Variants in FAM135B observed in about 807,000 individuals in gnomAD.
FAM135B encodes the protein family with sequence similarity 135 member B.
In FAM135B, 43 loss-of-function variants were observed where a neutral mutation model predicts 127.7. The ratio of observed to expected loss-of-function variants is 0.34; its 90% confidence interval spans 0.26 to 0.43. The LOEUF is 0.43. Among genes scored for constraint, FAM135B ranks in the 20% least tolerant of loss-of-function variants. The pLI is 1.00. For missense variants in FAM135B, 1,558 were observed against 1,725.6 expected (o/e 0.90, Z 1.72); for synonymous variants, 670 against 665.1 (o/e 1.01, Z -0.11).
At chr8:138,397,177 C>T (rs1350778844) in intron 1 of FAM135B, among the ~76,000 whole-genome samples, 2 of 152,122 alleles carry the variant, frequency 1.3e-5, no homozygotes, top group African/African-American at 4.8e-5. Flanking sequence ...GGCTGGGCTC[C>T]GTGACAGACG....
intron 1 of FAM135B, among the ~76,000 whole-genome samples, chr8:138,479,331 T>C (rs1265128329): frequency 6.6e-6 from 1 of 152,186 alleles, no homozygotes; most frequent in African/African-American, 2.4e-5. Context: ...CACCCCATCC[T>C]GGAGGTTGGG....
chr8:138,173,998 G>A (rs1355608952), intron 11 of FAM135B, among the ~76,000 whole-genome samples: 2 of 152,086 alleles, frequency 1.3e-5, no homozygotes, highest in Admixed American at 6.5e-5. Context: ...GGCGAAAGAT[G>A]GTCTTCATTT....
chr8:138,459,584 A>C (rs1441835239), intron 1 of FAM135B: 1 of 152,218 alleles, frequency 6.6e-6, no homozygotes, highest in Non-Finnish European at 1.5e-5. Context: ...TGGCGGGATG[A>C]TGATGATGAA....
At chr8:138,370,232 G>C (rs1200246645) in intron 1 of FAM135B, among the ~76,000 whole-genome samples, 1 of 152,142 alleles carries the variant, frequency 6.6e-6, no homozygotes, top group Non-Finnish European at 1.5e-5. Flanking sequence ...AACGCATGGA[G>C]AATACCACAC....
chr8:138,433,513 GA>G (rs1283792101), intron 1 of FAM135B, among the ~76,000 whole-genome samples: 2 of 144,644 alleles, frequency 1.4e-5, no homozygotes, highest in Admixed American at 7.2e-5. Context: ...GACAGAGCAA[GA>G]TTCTGTCTCA....
At chr8:138,194,045 G>A (rs1345352664) in intron 9 of FAM135B, among the ~76,000 whole-genome samples, 3 of 152,182 alleles carry the variant, frequency 2.0e-5, no homozygotes, top group Admixed American at 1.3e-4. Context: ...CGTCAATGCT[G>A]CAGCAGAGTC....
intron 7 of FAM135B, among the ~76,000 whole-genome samples, chr8:138,198,504 AG>A (rs1354073034): frequency 6.6e-6 from 1 of 152,214 alleles, no homozygotes; most frequent in Non-Finnish European, 1.5e-5. Flanking sequence ...GTGGGTGAGC[AG>A]TAGGTCGTGC....
chr8:138,331,100 C>G (rs1828144817), intron 2 of FAM135B, among the ~76,000 whole-genome samples: 2 of 152,096 alleles, frequency 1.3e-5, no homozygotes, highest in Admixed American at 6.5e-5. Context: ...CCTTGGCCTC[C>G]CAAAAATGCA....
At chr8:138,236,770 C>A (rs1471391897) in intron 7 of FAM135B, among the ~76,000 whole-genome samples, 4 of 152,190 alleles carry the variant, frequency 2.6e-5, no homozygotes, top group Non-Finnish European at 5.9e-5. Context: ...ATGCTTTTCA[C>A]ACTATGGTGA....
At chr8:138,174,051 C>A (rs1814188493) in intron 11 of FAM135B, among the ~76,000 whole-genome samples, 1 of 152,204 alleles carries the variant, frequency 6.6e-6, no homozygotes, top group Admixed American at 6.5e-5. Context: ...GAAACACACA[C>A]ACTGAAGCAA....
intron 1 of FAM135B, among the ~76,000 whole-genome samples, chr8:138,476,877 C>G (rs963454730): frequency 1.3e-5 from 2 of 152,150 alleles, no homozygotes; most frequent in Non-Finnish European, 2.9e-5. Flanking sequence ...AGGACTGGAG[C>G]TGGACTGGGA....
chr8:138,383,099 T>C (rs1336250925), intron 1 of FAM135B, among the ~76,000 whole-genome samples: 1 of 152,176 alleles, frequency 6.6e-6, no homozygotes, highest in Non-Finnish European at 1.5e-5. Flanking sequence ...CTCAAAAGTG[T>C]CCCTTGCTGC....
At chr8:138,245,520 A>C (rs1821210180) in intron 6 of FAM135B, among the ~76,000 whole-genome samples, 1 of 152,152 alleles carries the variant, frequency 6.6e-6, no homozygotes, top group South Asian at 2.1e-4. Flanking sequence ...TGCTGCCGCC[A>C]TGTGCAGAAG....
Position 138,395,414 on chromosome 8 carries a change from C to T in FAM135B, c.-19-27412G>A, listed in dbSNP as rs573795541. Among the ~76,000 whole-genome samples, 175 of 152,022 alleles carry T rather than the reference C, an allele frequency of 1.2e-3. 1 individual carries two copies. Among genetic ancestry groups the T allele is most frequent in the Non-Finnish European group, 2.3e-3 (156 of 68,012 alleles). On this transcript the variant is annotated intron_variant, in intron 1 of 19. Transcript: ENST00000395297. The stretch of plus-strand genomic sequence containing the variant: ...ACTGTGAGCCAGAGAGCTACAGAAC[C>T]AAAGGAGCTATGGGGGAAAGGGAAA...
At chr8:138,245,371 G>A (rs1041952851) in intron 6 of FAM135B, among the ~76,000 whole-genome samples, 2 of 152,196 alleles carry the variant, frequency 1.3e-5, no homozygotes, top group Non-Finnish European at 2.9e-5. Flanking sequence ...ATACCCACAT[G>A]TTGTGGGAGG....
rs1012955794 is a variant in FAM135B at position 138,241,468 on chromosome 8, A to C, written c.669+1474T>G. Among the ~76,000 whole-genome samples, 1 of 152,122 alleles carries C rather than the reference A, an allele frequency of 6.6e-6. No individual in the cohort carries two copies. The highest frequency in any genetic ancestry group is 1.5e-5 in the Non-Finnish European group (1 of 68,026). The stretch of plus-strand genomic sequence containing the variant: ...TTTCTTTGCTTCTCAGGACCATAAA[A>C]TCATGTGACACAGCAGCTTGGACAA... On this transcript the variant is annotated intron_variant, in intron 7 of 19. Coordinates refer to ENST00000395297, the MANE Select transcript of FAM135B (RefSeq NM_015912.4). This position sits in a 1 kb window ranked among gnomAD's most constrained non-coding sequence, Gnocchi z 4.8.
In FAM135B at chr8:138,497,054, C is replaced by T. The variant is rs923215748; in HGVS notation, c.-403G>A. ...CGCCAGCGCCGCAAGAAAGCAAGGA[C>T]CGACCGGCTGCGCCCGCGCCGCTGG... On this transcript the variant is annotated 5_prime_UTR_variant, in exon 1 of 20. Coordinates refer to ENST00000395297, the MANE Select transcript of FAM135B (RefSeq NM_015912.4). Among the ~76,000 whole-genome samples the T allele has an allele frequency of 1.3e-5, 2 of 151,936 alleles. No individual in the cohort carries two copies. Among genetic ancestry groups the T allele is most frequent in the African/African-American group, 4.8e-5 (2 of 41,514 alleles).
intron 7 of FAM135B, among the ~76,000 whole-genome samples, chr8:138,214,428 A>C (rs1818389251): frequency 1.3e-5 from 2 of 152,162 alleles, no homozygotes; most frequent in Admixed American, 6.5e-5. Flanking sequence ...CTACTAGAAA[A>C]TGAAAATATT....
chr8:138,471,163 G>C (rs140705494), intron 1 of FAM135B, among the ~76,000 whole-genome samples: 66 of 152,056 alleles, frequency 4.3e-4, no homozygotes, highest in African/African-American at 1.5e-3. Context: ...AAATGCACCA[G>C]AGATTTGGGG....
Sources: gnomAD v4.1 joint callset for allele counts (sites outside exome capture counted in the v4.1 genomes callset) on GRCh38, gnomAD v4.1.1 for gene constraint, Gnocchi (gnomAD v3.1) non-coding constraint, MANE v1.5 for transcripts, NCBI Gene and HGNC (gene_info 2026-07-23, HGNC 2026-07-21) for gene names.